Variants in NIPBL observed in about 807,000 individuals in gnomAD.
NIPBL encodes the protein nipped-B-like protein.
In NIPBL, 19 loss-of-function variants were observed where a neutral mutation model predicts 321.8. The ratio of observed to expected loss-of-function variants is 0.06; its 90% CI spans 0.04 to 0.09. NIPBL has a LOEUF of 0.09. NIPBL is among the 10% of genes least tolerant of loss of function. The pLI is 1.00. For synonymous variants in NIPBL, 1,106 were observed against 1,114.1 expected, an observed-to-expected ratio of 0.99 and a Z score of 0.14; for missense variants, 2,210 against 3,327.0, an observed-to-expected ratio of 0.66 and a Z score of 8.26.
chr5:37,016,982 ATAAATCTAT>A (rs1749070564), intron 23 of NIPBL, 28 bp from the exon 24 acceptor site: 1 of 1,342,338 alleles, frequency 7.4e-7, no homozygotes, highest in Non-Finnish European at 1.0e-6. Flanking sequence ...ATATATTGTT[ATAAATCTAT>A]TCAATCAAAA....
At chr5:36,994,957 T>C (rs1745966728) in intron 10 of NIPBL, among the ~76,000 whole-genome samples, 1 of 152,188 alleles carries the variant, frequency 6.6e-6, no homozygotes, top group African/African-American at 2.4e-5. Flanking sequence ...TTTTAAAAGA[T>C]TTGTCATCTA....
chr5:36,915,205 A>C (rs923689452), intron 1 of NIPBL, among the ~76,000 whole-genome samples: 2 of 152,162 alleles, frequency 1.3e-5, no homozygotes, highest in Non-Finnish European at 2.9e-5. Flanking sequence ...AAATGTCTAC[A>C]TATAATAGAT....
chr5:37,007,558 C>T, intron 18 of NIPBL, 84 bp downstream of exon 18: 1 of 924,656 alleles, frequency 1.1e-6, no homozygotes, highest in Non-Finnish European at 1.7e-6. Flanking sequence ...ATAATAAGAC[C>T]AGCACTATAT....
chr5:37,002,013 G>A (rs1247245334), intron 14 of NIPBL, among the ~76,000 whole-genome samples: 1 of 152,086 alleles, frequency 6.6e-6, no homozygotes, highest in South Asian at 2.1e-4. Context: ...GGGTCCAAAA[G>A]TACAAAGGGC....
At chr5:36,997,556 C>G (rs150110120) in intron 11 of NIPBL, among the ~76,000 whole-genome samples, 16 of 152,262 alleles carry the variant, frequency 1.1e-4, no homozygotes, top group African/African-American at 3.6e-4. Flanking sequence ...CCTGTTATAT[C>G]TATGCCCAAC....
At chr5:36,959,469 C>G (rs769021300) in intron 4 of NIPBL, among the ~76,000 whole-genome samples, 6 of 152,132 alleles carry the variant, frequency 3.9e-5, no homozygotes, top group Non-Finnish European at 8.8e-5. Flanking sequence ...CGACAGGGCT[C>G]TGACTTCACC....
At chr5:37,046,625 G>C (rs756436600) in intron 38 of NIPBL, among the ~76,000 whole-genome samples, 1 of 152,114 alleles carries the variant, frequency 6.6e-6, no homozygotes, top group Non-Finnish European at 1.5e-5. Flanking sequence ...ACAATGATCA[G>C]TCTACACTGA....
chr5:36,897,749 GAAAT>G (rs1746866974), intron 1 of NIPBL, among the ~76,000 whole-genome samples: 1 of 152,090 alleles, frequency 6.6e-6, no homozygotes, highest in Non-Finnish European at 1.5e-5. Flanking sequence ...ATTTGTTGCG[GAAAT>G]AAATAAATGC....
intron 42 of NIPBL, among the ~76,000 whole-genome samples, chr5:37,056,766 A>G (rs1056338098): frequency 2.0e-5 from 3 of 152,178 alleles, no homozygotes; most frequent in Admixed American, 6.5e-5. Flanking sequence ...ACTTTCATGT[A>G]TACTTTCTGA....
intron 32 of NIPBL, among the ~76,000 whole-genome samples, chr5:37,033,730 ATTTTTTTTTTTTTT>A (rs58081432): frequency 4.6e-5 from 1 of 21,518 alleles, no homozygotes; most frequent in African/African-American, 2.0e-4. Flanking sequence ...ATATATATAT[ATTTTTTTTTTTTTT>A]TTTTTTAATG....
rs1217206349 is a variant in NIPBL at position 37,000,885 on chromosome 5, G to A, written c.3571G>A (p.Glu1191Lys). 1.4e-5 allele frequency: 22 copies of A among 1,609,416 alleles called. No individual in the cohort carries two copies. Among genetic ancestry groups the A allele is most frequent in the Non-Finnish European group, 1.9e-5 (22 of 1,176,250 alleles). Residue 1191 changes from glutamate (E) to lysine (K), a missense_variant, in exon 13 of 47, where the codon GAA (glutamate) becomes AAA (lysine). Physicochemically the swap from Glu to Lys is moderately conservative, Grantham distance 56. Around this residue, in one of 14 missense-constraint regions of NIPBL, gnomAD observed 381 missense variants for 642.3 expected, o/e 0.59. Coordinates refer to ENST00000282516, the MANE Select transcript of NIPBL (RefSeq NM_133433.4). ...AGCATATGAACCAAAACTAACACCT[G>A]AAGGTAACACGTTAGTTTATTTAAT... ...RKAYEPKLTPEEMMDSSTFKR... is the reference protein window; with the variant it reads ...RKAYEPKLTPKEMMDSSTFKR...
chr5:37,002,358 G>A (rs1406828476), intron 14 of NIPBL, among the ~76,000 whole-genome samples: 1 of 152,204 alleles, frequency 6.6e-6, no homozygotes, highest in Admixed American at 6.5e-5. Context: ...GGGCATGGGA[G>A]ACTCTTGATG....
At chr5:36,959,055 C>T (rs1741305497) in intron 4 of NIPBL, among the ~76,000 whole-genome samples, 1 of 151,838 alleles carries the variant, frequency 6.6e-6, no homozygotes, top group South Asian at 2.1e-4. Context: ...AAAAATACAA[C>T]AACTAGCCAG....
chr5:36,892,709 G>A (rs905321004), intron 1 of NIPBL, among the ~76,000 whole-genome samples: 4 of 151,870 alleles, frequency 2.6e-5, no homozygotes, highest in African/African-American at 7.2e-5. Context: ...AACACCACAT[G>A]TTCTCACTCA....
intron 1 of NIPBL, among the ~76,000 whole-genome samples, chr5:36,951,841 GT>G (rs1740327554): frequency 6.6e-6 from 1 of 151,962 alleles, no homozygotes; most frequent in African/African-American, 2.4e-5. Context: ...GGAAAGTAAT[GT>G]TTTTTCCCTT....
chr5:36,973,773 G>A (rs1274686725), intron 8 of NIPBL, among the ~76,000 whole-genome samples: 2 of 151,920 alleles, frequency 1.3e-5, no homozygotes, highest in Admixed American at 6.6e-5. Context: ...CAGGCTTGTC[G>A]TCTAGGTTTT....
chr5:36,997,684 T>A (rs1746293948), intron 11 of NIPBL, among the ~76,000 whole-genome samples: 1 of 152,200 alleles, frequency 6.6e-6, no homozygotes. Flanking sequence ...TTTTCTTCAC[T>A]TATTTCTATA....
At chr5:36,892,789 G>A (rs1446535527) in intron 1 of NIPBL, among the ~76,000 whole-genome samples, 1 of 151,990 alleles carries the variant, frequency 6.6e-6, no homozygotes, top group Non-Finnish European at 1.5e-5. Context: ...GGACTGTTGT[G>A]GGGTGGGGGG....
chr5:36,885,073 T>C (rs1045074162), intron 1 of NIPBL: 21 of 221,846 alleles, frequency 9.5e-5, no homozygotes, highest in African/African-American at 4.9e-4. Flanking sequence ...GTTTTAATTT[T>C]TTTTTTGCCA....
Sources: gnomAD v4.1 joint callset for allele counts (sites outside exome capture counted in the v4.1 genomes callset) on GRCh38, gnomAD v4.1.1 for gene constraint, gnomAD v4.1.1 regional missense constraint, MANE v1.5 for transcripts, NCBI Gene and HGNC (gene_info 2026-07-23, HGNC 2026-07-21) for gene names.